The following TPST1 variants were observed in gnomAD, a reference collection of about 807,000 sequenced individuals.
TPST1 encodes the protein tyrosylprotein sulfotransferase 1.
In TPST1, 20 loss-of-function variants were observed where a neutral mutation model predicts 34.8. The observed-to-expected ratio is 0.57, with a 90% CI of 0.40 to 0.84. The LOEUF is 0.84. Among genes scored for constraint, TPST1 ranks in the 40% least tolerant of loss-of-function variants. The pLI is 0.00. For missense variants in TPST1, 353 were observed against 455.5 expected, an observed-to-expected ratio of 0.78 and a Z score of 2.05; for synonymous variants, 152 against 159.4, an observed-to-expected ratio of 0.95 and a Z score of 0.35.
At chr7:66,339,227 T>C (rs535132237) in intron 3 of TPST1, among the ~76,000 whole-genome samples, 162 of 152,126 alleles carry the variant, frequency 1.1e-3, no homozygotes, top group African/African-American at 3.6e-3. Flanking sequence ...TGAACAACTA[T>C]ACACCAAAAA....
chr7:66,199,244 C>G, the TPST1 span, among the ~76,000 whole-genome samples: 1 of 151,858 alleles, frequency 6.6e-6, no homozygotes, highest in East Asian at 1.9e-4. Flanking sequence ...AAACATCCAT[C>G]CAGTGCCAGG....
rs554834322 is a variant in TPST1, at chr7:66,284,033, C to T, written c.846-2478C>T. Among the ~76,000 whole-genome samples the T allele has an allele frequency of 3.8e-4, 58 of 152,292 alleles. No individual in the cohort carries two copies. The South Asian group carries it at 0.012, about 30-fold the overall frequency. ...TAAAGAGAAACACTTGACTGATATGCATAGGTTTCCCATGTTCTTCCCCTT... is the reference window on the plus strand; with the variant it reads ...TAAAGAGAAACACTTGACTGATATGTATAGGTTTCCCATGTTCTTCCCCTT... On this transcript the variant is annotated intron_variant, in intron 2 of 5. Coordinates refer to ENST00000304842, the MANE Select transcript of TPST1 (RefSeq NM_003596.4).
intron 1 of TPST1, among the ~76,000 whole-genome samples, chr7:66,217,636 C>T (rs1789451801): frequency 6.6e-6 from 1 of 152,146 alleles, no homozygotes; most frequent in Admixed American, 6.6e-5. Context: ...TGCTCTGTCG[C>T]CCAGGCTGGA....
chr7:66,298,967 A>G (rs556035702), intron 3 of TPST1, among the ~76,000 whole-genome samples: 43 of 152,170 alleles, frequency 2.8e-4, no homozygotes, highest in Middle Eastern at 3.4e-3. Context: ...TACTAAAAAT[A>G]CAAAAAGAAT....
chr7:66,275,405 G>GCAGAA (rs1255308226), intron 2 of TPST1, among the ~76,000 whole-genome samples: 1 of 152,104 alleles, frequency 6.6e-6, no homozygotes, highest in Non-Finnish European at 1.5e-5. Flanking sequence ...AAATCAGAAT[G>GCAGAA]TGGTAGATAT....
rs183761821 is a variant in TPST1, at chr7:66,329,184, G to T, written c.1045-23321G>T. ...CTCAGGCAGGAATCCTGAAATTCTGGGATTATAGGTGTGAGCCACTTCTCC... is the reference window on the plus strand; with the variant it reads ...CTCAGGCAGGAATCCTGAAATTCTGTGATTATAGGTGTGAGCCACTTCTCC... On this transcript the variant is annotated intron_variant, in intron 3 of 5. Transcript: ENST00000304842. Among the ~76,000 whole-genome samples the T allele has an allele frequency of 3.9e-3, 596 of 151,710 alleles. 3 individuals are homozygous for T. The highest frequency in any genetic ancestry group is 0.013 in the African/African-American group (551 of 41,326).
intron 2 of TPST1, among the ~76,000 whole-genome samples, chr7:66,282,268 T>C (rs529698238): frequency 6.6e-6 from 1 of 152,322 alleles, no homozygotes; most frequent in African/African-American, 2.4e-5. Context: ...CTAATCACTG[T>C]GTCCTTTTGA....
At chr7:66,316,673 A>G (rs1424346010) in intron 3 of TPST1, among the ~76,000 whole-genome samples, 3 of 152,270 alleles carry the variant, frequency 2.0e-5, no homozygotes, top group South Asian at 2.1e-4. Flanking sequence ...CATACGGACT[A>G]TCACTAAAAA....
At chr7:66,305,255 G>T (rs1791399083) in intron 3 of TPST1, among the ~76,000 whole-genome samples, 1 of 152,124 alleles carries the variant, frequency 6.6e-6, no homozygotes, top group African/African-American at 2.4e-5. Context: ...CTCATTTTCT[G>T]TACCTTTCAT....
intron 2 of TPST1, among the ~76,000 whole-genome samples, chr7:66,254,943 C>A (rs1008783315): frequency 3.3e-5 from 5 of 151,550 alleles, no homozygotes; most frequent in Admixed American, 6.6e-5. Flanking sequence ...GTCAGGAGAT[C>A]GAGACCATCC....
At chr7:66,345,401 G>A (rs886798776) in intron 3 of TPST1, among the ~76,000 whole-genome samples, 18 of 147,518 alleles carry the variant, frequency 1.2e-4, no homozygotes, top group African/African-American at 4.3e-4. Context: ...ACTGAGGCAG[G>A]AGAATTGCTT....
At chr7:66,320,424 T>A (rs1791730468) in intron 3 of TPST1, among the ~76,000 whole-genome samples, 1 of 151,384 alleles carries the variant, frequency 6.6e-6, no homozygotes, top group South Asian at 2.1e-4. Flanking sequence ...ATTTTTTGTA[T>A]TTTTAGTAGA....
intron 3 of TPST1, among the ~76,000 whole-genome samples, chr7:66,343,899 G>C (rs1346540733): frequency 6.6e-6 from 1 of 152,110 alleles, no homozygotes; most frequent in Non-Finnish European, 1.5e-5. Context: ...AGAAAGGTGG[G>C]TAACATAAGC....
chr7:66,330,911 TCAA>T (rs1176467331), intron 3 of TPST1, among the ~76,000 whole-genome samples: 1 of 152,188 alleles, frequency 6.6e-6, no homozygotes, highest in African/African-American at 2.4e-5. Context: ...ATGGCTTAAA[TCAA>T]CAAACGTGTT....
chr7:66,211,165 G>A (rs905669764), intron 1 of TPST1, among the ~76,000 whole-genome samples: 4 of 149,766 alleles, frequency 2.7e-5, no homozygotes, highest in African/African-American at 4.9e-5. Flanking sequence ...ATGGAGTTTC[G>A]CTCTTGTTGC....
intron 1 of TPST1, among the ~76,000 whole-genome samples, chr7:66,216,064 A>G (rs1174362520): frequency 2.0e-5 from 3 of 152,024 alleles, no homozygotes; most frequent in African/African-American, 7.2e-5. Context: ...GCGCCCGGCC[A>G]ATGTCCTGGT....
At chr7:66,310,506 G>A (rs983657282) in intron 3 of TPST1, among the ~76,000 whole-genome samples, 3 of 152,046 alleles carry the variant, frequency 2.0e-5, no homozygotes, top group Admixed American at 2.0e-4. Flanking sequence ...CTGCAAATGG[G>A]GTCGTGTTCC....
rs542123303 is a variant in TPST1 at position 66,240,793 on chromosome 7, G to A, written c.368G>A (p.Arg123His). The A allele has an allele frequency of 1.3e-5, 21 of 1,614,170 alleles. No homozygotes were observed. Among genetic ancestry groups the A allele is most frequent in the African/African-American group, 1.2e-4 (9 of 75,048 alleles). Residue 123 changes from arginine (R) to histidine (H), a missense_variant, in exon 2 of 6, where the codon CGC (arginine) becomes CAC (histidine). Arg to His is a conservative substitution (Grantham distance 29). Coordinates refer to ENST00000304842, the MANE Select transcript of TPST1 (RefSeq NM_003596.4). Reference sequence around the variant, plus strand: ...TCACGGTCAAGTAAAGAGAAGATCCGCCTGGATGAGGCTGGTGTTACTGAT... The same window carrying A: ...TCACGGTCAAGTAAAGAGAAGATCCACCTGGATGAGGCTGGTGTTACTGAT... Reference protein sequence around the residue: ...MWSRSSKEKIRLDEAGVTDEV... With the variant: ...MWSRSSKEKIHLDEAGVTDEV...
chr7:66,316,335 A>G (rs1004251848), intron 3 of TPST1, among the ~76,000 whole-genome samples: 1 of 152,234 alleles, frequency 6.6e-6, no homozygotes, highest in African/African-American at 2.4e-5. Context: ...GTTGAAGCTT[A>G]ATGATCTAAG....
Sources: allele counts gnomAD v4.1 joint callset (sites outside exome capture counted in the v4.1 genomes callset), GRCh38; gene constraint gnomAD v4.1.1; transcripts MANE v1.5; gene names NCBI Gene and HGNC (gene_info 2026-07-23, HGNC 2026-07-21).